Variants in SPAG1 observed in about 807,000 individuals in gnomAD.
SPAG1 encodes sperm-associated antigen 1.
Under a neutral mutation model 100.5 loss-of-function variants are expected in SPAG1, and 69 were observed. That is an observed-to-expected ratio of 0.69 (90% confidence interval 0.57 to 0.84). The LOEUF (loss-of-function observed/expected upper bound fraction) is 0.84. Ranked by LOEUF, SPAG1 falls within the 40% of genes least tolerant of loss-of-function variation. The pLI, the probability that SPAG1 is intolerant of heterozygous loss-of-function variation, is 0.00. For missense variants in SPAG1, 955 were observed against 1,133.1 expected (o/e 0.84, Z 2.26); for synonymous variants, 336 against 411.6 (o/e 0.82, Z 2.22).
At chr8:100,221,024 G>A (rs1405302048) in intron 13 of SPAG1, among the ~76,000 whole-genome samples, 1 of 151,438 alleles carries the variant, frequency 6.6e-6, no homozygotes, top group African/African-American at 2.4e-5. Context: ...GGTGAGCTGA[G>A]ATCATACCAC....
chr8:100,216,641 C>T (rs899988452), intron 12 of SPAG1, among the ~76,000 whole-genome samples: 3 of 152,152 alleles, frequency 2.0e-5, no homozygotes, highest in South Asian at 2.1e-4. Context: ...TGCTGACCTC[C>T]GTAGAGACCG....
chr8:100,216,522 G>T (rs1164591337), intron 12 of SPAG1, among the ~76,000 whole-genome samples: 1 of 152,184 alleles, frequency 6.6e-6, no homozygotes, highest in Non-Finnish European at 1.5e-5. Context: ...CTTGTCCAAG[G>T]GGAGGGCAGG....
In SPAG1 at chr8:100,176,955, C is replaced by T. The variant is rs369417536; in HGVS notation, c.301-861C>T. ...CTCCCTCTCCTCTCCTTCTTTTTTTCGTTTCTTTCTTTTTTTTCAATGGTC... is the reference window on the plus strand; with the variant it reads ...CTCCCTCTCCTCTCCTTCTTTTTTTTGTTTCTTTCTTTTTTTTCAATGGTC... On this transcript the variant is annotated intron_variant, in intron 3 of 18. Transcript: ENST00000388798. Among the ~76,000 whole-genome samples the T allele has an allele frequency of 1.3e-3, 174 of 138,230 alleles. 3 individuals carry two copies. The East Asian group carries it at 0.022, about 18-fold the overall frequency. 90.7% of individuals were successfully genotyped at this position (138,230 alleles called of 152,430 possible).
At chr8:100,226,077 ACCTCCACCTCC>A (rs1818500161) in intron 14 of SPAG1, among the ~76,000 whole-genome samples, 3 of 149,018 alleles carry the variant, frequency 2.0e-5, no homozygotes, top group Admixed American at 2.0e-4. Flanking sequence ...GCTCACTGCA[ACCTCCACCTCC>A]CAGGTTCAAG....
chr8:100,194,011 T>G, intron 9 of SPAG1, 101 bp from the exon 10 acceptor site: 2 of 1,042,484 alleles, frequency 1.9e-6, no homozygotes, highest in Non-Finnish European at 1.3e-6. Context: ...CTTGTCTTAG[T>G]TGTATTCATT....
intron 10 of SPAG1, among the ~76,000 whole-genome samples, chr8:100,208,577 C>T (rs144422708): frequency 4.9e-4 from 74 of 152,336 alleles, no homozygotes; most frequent in Non-Finnish European, 8.7e-4. Context: ...CCAGCTATGA[C>T]CACGTGACCA....
chr8:100,232,395 C>T (rs575801756), intron 15 of SPAG1, among the ~76,000 whole-genome samples: 1 of 152,232 alleles, frequency 6.6e-6, no homozygotes, highest in African/African-American at 2.4e-5. Context: ...CCATCCTCTC[C>T]CCAGGTCCAC....
chr8:100,213,969 G>T, intron 12 of SPAG1, 51 bp downstream of exon 12: 1 of 1,048,844 alleles, frequency 9.5e-7, no homozygotes, highest in Non-Finnish European at 1.4e-6. Context: ...ATTTCATTAT[G>T]GTGAATGCAA....
chr8:100,183,474 A>G (rs1194573681), intron 5 of SPAG1, 38 bp downstream of exon 5: 1 of 1,019,174 alleles, frequency 9.8e-7, no homozygotes, highest in Non-Finnish European at 1.5e-6. Context: ...TGTATCACTA[A>G]AAAAGTTATC....
chr8:100,214,988 CATATATATATAT>C (rs71274967), intron 12 of SPAG1, among the ~76,000 whole-genome samples: 108 of 68,732 alleles, frequency 1.6e-3, no homozygotes, highest in East Asian at 3.2e-3. Context: ...AAACTTTACT[CATATATATATAT>C]ATATATATAT....
chr8:100,222,605 A>G (rs1263483553), intron 13 of SPAG1, among the ~76,000 whole-genome samples: 1 of 152,160 alleles, frequency 6.6e-6, no homozygotes, highest in Non-Finnish European at 1.5e-5. Context: ...ATGAAATGGA[A>G]AGTGGGGAGA....
chr8:100,211,764 C>A (rs1817725096), intron 10 of SPAG1, among the ~76,000 whole-genome samples: 1 of 152,202 alleles, frequency 6.6e-6, no homozygotes, highest in East Asian at 1.9e-4. Context: ...TCTGTTGCCT[C>A]ATTTGTAAAG....
chr8:100,158,554 G>A (rs1316859443), upstream of SPAG1: 1 of 152,286 alleles, frequency 6.6e-6, no homozygotes, highest in Non-Finnish European at 1.5e-5. Flanking sequence ...GCAGGAAAGA[G>A]GGTGCCTCGG....
rs190489908 is a variant in SPAG1 at position 100,164,477 on chromosome 8, T to C, written c.141-1337T>C. Among the ~76,000 whole-genome samples the C allele has an allele frequency of 2.7e-3, 416 of 152,322 alleles. 3 individuals carry two copies. The highest frequency in any genetic ancestry group is 8.5e-3 in the African/African-American group (355 of 41,574). On this transcript the variant is annotated intron_variant, in intron 2 of 18. Transcript: ENST00000388798. ...TCTCACTCTGTCACCCAGGCTGGAG[T>C]GCAGTGGTGCGATCTCGGTTCACTG...
rs1385706056 is a variant in SPAG1, at chr8:100,220,529, G to A, written c.1688+98G>A. The A allele has an allele frequency of 1.0e-5, 10 of 1,000,418 alleles. No individual in the cohort carries two copies. The Admixed American group carries it at 1.5e-4, about 15-fold the overall frequency. The allele number at this position is 1,000,418 out of a possible 1,614,324, so 62.0% of individuals were successfully genotyped here. ...ATGTCAAAATATAGATGTGTTATCA[G>A]TTACTTTTATCACCTGAATGATTGC... is the stretch of plus-strand genomic sequence containing the variant. On this transcript the variant is annotated intron_variant, in intron 13 of 18. Coordinates refer to ENST00000388798, the MANE Select transcript of SPAG1 (RefSeq NM_003114.5).
chr8:100,190,663 C>CTTTTTTTTTTTTTTTT (rs758612610), intron 8 of SPAG1, among the ~76,000 whole-genome samples: 1 of 111,802 alleles, frequency 8.9e-6, no homozygotes, highest in African/African-American at 3.4e-5. Flanking sequence ...CTTTTTTTTT[C>CTTTTTTTTTTTTTTTT]TTTTTTTTTT....
intron 3 of SPAG1, among the ~76,000 whole-genome samples, chr8:100,175,890 T>A (rs1023823682): frequency 3.3e-5 from 5 of 152,232 alleles, no homozygotes; most frequent in Admixed American, 3.3e-4. Flanking sequence ...TATCTATCTT[T>A]TCCCCTCAAG....
chr8:100,218,295 A>G (rs2453624), intron 12 of SPAG1, among the ~76,000 whole-genome samples: 102,749 of 151,606 alleles, frequency 0.68, 35,517 homozygotes, highest in African/African-American at 0.83. Context: ...TCAGGATTGT[A>G]GTTAAAGAAA....
At chr8:100,214,693 T>G (rs1338322822) in intron 12 of SPAG1, among the ~76,000 whole-genome samples, 3 of 152,008 alleles carry the variant, frequency 2.0e-5, no homozygotes, top group African/African-American at 7.3e-5. Context: ...CCAGGCACAG[T>G]GGCTCATGGC....
Sources: allele counts gnomAD v4.1 joint callset (sites outside exome capture counted in the v4.1 genomes callset), GRCh38; gene constraint gnomAD v4.1.1; transcripts MANE v1.5; gene names NCBI Gene and HGNC (gene_info 2026-07-23, HGNC 2026-07-21).